Variants in DPYD observed in about 807,000 individuals in gnomAD.
DPYD encodes dihydropyrimidine dehydrogenase, also known as dihydropyrimidine dehydrogenase [NADP(+)].
A neutral mutation model predicts 116.2 loss-of-function variants in DPYD; 109 were observed. The ratio of observed to expected loss-of-function variants is 0.94; its 90% CI spans 0.80 to 1.10. The LOEUF is 1.10. DPYD is among the 50% of genes least tolerant of loss of function. DPYD has a pLI of 0.00. For missense variants in DPYD, 1,302 were observed against 1,254.5 expected (o/e 1.04, Z -0.57); for synonymous variants, 440 against 432.0 (o/e 1.02, Z -0.23).
At chr1:97,571,949 C>T (rs1409231770) in intron 11 of DPYD, among the ~76,000 whole-genome samples, 1 of 151,900 alleles carries the variant, frequency 6.6e-6, no homozygotes. Context: ...TGAATGCTAT[C>T]TCACACTGCA....
At chr1:97,794,745 A>C (rs1033360420) in intron 3 of DPYD, among the ~76,000 whole-genome samples, 1 of 152,144 alleles carries the variant, frequency 6.6e-6, no homozygotes, top group African/African-American at 2.4e-5. Flanking sequence ...CACCACGCTT[A>C]TTTCACACTT....
chr1:97,284,620 G>A (rs11165830), intron 18 of DPYD, among the ~76,000 whole-genome samples: 9,979 of 152,066 alleles, frequency 0.066, 336 homozygotes, highest in Admixed American at 0.097. Context: ...AAAAGTTTTA[G>A]ATCAATTTCA....
At chr1:97,312,241 G>A (rs777817740) in intron 16 of DPYD, among the ~76,000 whole-genome samples, 1 of 151,788 alleles carries the variant, frequency 6.6e-6, no homozygotes, top group Non-Finnish European at 1.5e-5. Context: ...ATCATGATTT[G>A]CCGAAAATGT....
chr1:97,260,079 G>A (rs1016933718), intron 18 of DPYD, among the ~76,000 whole-genome samples: 11 of 152,068 alleles, frequency 7.2e-5, no homozygotes, highest in Non-Finnish European at 1.5e-4. Flanking sequence ...CTCAAAAAGC[G>A]CTGTAGGTTA....
Position 97,821,865 on chromosome 1 carries a change from T to A in DPYD, c.233+6249A>T, listed in dbSNP as rs1668958825. On this transcript the variant is annotated intron_variant, in intron 3 of 22. Transcript: ENST00000370192. The stretch of plus-strand genomic sequence containing the variant: ...ATTAATTTTCATAAATTACAAAGCA[T>A]TCTCTCCTCTATATCCTAGTTCCTC... Among the ~76,000 whole-genome samples the A allele has an allele frequency of 1.3e-5, 2 of 152,078 alleles. 1 individual carries two copies. Among genetic ancestry groups the A allele is most frequent in the South Asian group, 4.1e-4 (2 of 4,828 alleles).
intron 7 of DPYD, 96 bp from the exon 8 acceptor site, chr1:97,679,278 T>C: frequency 3.1e-6 from 2 of 636,422 alleles, no homozygotes; most frequent in South Asian, 4.1e-5. Context: ...CAGCCAAAAA[T>C]TCTATGAGAT....
rs949278562 is a variant in DPYD at position 97,529,957 on chromosome 1, T to C, written c.1525-14016A>G. Among the ~76,000 whole-genome samples, 152 of 151,066 alleles carry C rather than the reference T, an allele frequency of 1.0e-3. 1 individual carries two copies. Among genetic ancestry groups the C allele is most frequent in the East Asian group, 1.9e-4 (1 of 5,142 alleles). ...CCTTCTTTACTTTTCTTTTCTTTCC[T>C]TCTTTCTTTCCAATATACCCAGCAT... is the stretch of plus-strand genomic sequence containing the variant. On this transcript the variant is annotated intron_variant, in intron 12 of 22. Transcript: ENST00000370192.
At chr1:97,461,912 C>T (rs971306583) in intron 13 of DPYD, among the ~76,000 whole-genome samples, 5 of 152,206 alleles carry the variant, frequency 3.3e-5, no homozygotes, top group Admixed American at 6.5e-5. Flanking sequence ...TTCTAAACTC[C>T]AAACTGCTTT....
intron 16 of DPYD, among the ~76,000 whole-genome samples, chr1:97,326,221 T>G (rs1024650024): frequency 2.0e-5 from 3 of 151,994 alleles, no homozygotes; most frequent in Non-Finnish European, 4.4e-5. Context: ...TGCTGGAGGA[T>G]AGTAATGTAT....
In DPYD at chr1:97,754,207, G is replaced by T. The variant is rs552003763; in HGVS notation, c.234-13728C>A. ...CGTTTTCGGGCAATGGCACTGCTTA[G>T]AAAGTGAACTAATATGAAGATGACC... On this transcript the variant is annotated intron_variant, in intron 3 of 22. Transcript: ENST00000370192. 5.3e-5 allele frequency among the ~76,000 whole-genome samples: 8 copies of T among 152,238 alleles called. No homozygotes were observed. In the South Asian group the frequency reaches 1.7e-3, roughly 32 times the overall value.
chr1:97,157,176 T>C (rs1178215158), intron 20 of DPYD, among the ~76,000 whole-genome samples: 1 of 149,798 alleles, frequency 6.7e-6, no homozygotes, highest in Non-Finnish European at 1.5e-5. Context: ...AAATGACGAG[T>C]TAATGGGTGC....
At chr1:97,449,990 T>C in intron 14 of DPYD, 69 bp downstream of exon 14, 1 of 1,562,838 alleles carries the variant, frequency 6.4e-7, no homozygotes, top group Non-Finnish European at 8.8e-7. Context: ...AGCCTATGAA[T>C]TGGATGTTTA....
Position 97,434,944 on chromosome 1 carries a change from T to G in DPYD, c.1905+15115A>C, listed in dbSNP as rs148673093. On this transcript the variant is annotated intron_variant, in intron 14 of 22. Transcript: ENST00000370192. ...GATATTCATATCTTTTTTGTGAGGT[T>G]ATTGTGAAATCGATTCAGAGAAATA... Among the ~76,000 whole-genome samples, 425 of 152,078 alleles carry G rather than the reference T, an allele frequency of 2.8e-3. 2 individuals are homozygous for G. Among genetic ancestry groups the G allele is most frequent in the Middle Eastern group, 0.024 (7 of 294 alleles).
Position 97,691,712 on chromosome 1 carries a change from T to A in DPYD, c.762+5A>T, listed in dbSNP as rs1033092437. ...AGTACACAGATAGGTGTTTTTTTCA[T>A]TTACCTTTACACCAAGGTCCTTCAT... On this transcript the variant is annotated splice_donor_5th_base_variant and intron_variant, in intron 7 of 22. Transcript: ENST00000370192. 6.2e-6 allele frequency: 10 copies of A among 1,612,854 alleles called. No homozygotes were observed. Among genetic ancestry groups the A allele is most frequent in the Non-Finnish European group, 8.5e-6 (10 of 1,179,136 alleles).
At chr1:97,540,372 CAA>C (rs1230033290) in intron 12 of DPYD, among the ~76,000 whole-genome samples, 1 of 118,972 alleles carries the variant, frequency 8.4e-6, no homozygotes, top group African/African-American at 2.7e-5. Flanking sequence ...CAAAACAAAA[CAA>C]AACAAAACAA....
intron 18 of DPYD, among the ~76,000 whole-genome samples, chr1:97,300,377 T>A (rs79651333): frequency 6.6e-6 from 1 of 152,170 alleles, no homozygotes; most frequent in Non-Finnish European, 1.5e-5. Context: ...AGCTTAAATT[T>A]GATGACAGAT....
At chr1:97,767,775 T>TTTTA (rs1665945888) in intron 3 of DPYD, among the ~76,000 whole-genome samples, 1 of 148,182 alleles carries the variant, frequency 6.7e-6, no homozygotes, top group Non-Finnish European at 1.5e-5. Context: ...TTTTTTTTTT[T>TTTTA]GCAGCAGTTA....
intron 20 of DPYD, among the ~76,000 whole-genome samples, chr1:97,161,749 G>A (rs941531488): frequency 1.7e-5 from 2 of 116,242 alleles, no homozygotes; most frequent in African/African-American, 6.9e-5. Flanking sequence ...AGTCCCCAGA[G>A]TGTGATGTTC....
rs539842076 is a variant in DPYD at position 97,334,082 on chromosome 1, C to A, written c.2059-27785G>T. On this transcript the variant is annotated intron_variant, in intron 16 of 22. Transcript: ENST00000370192. ...TAAATATTTCAGTTACACTTTACTG[C>A]ATTTTATGAGGAAAATTATATATTA... Among the ~76,000 whole-genome samples, 35 of 152,262 alleles carry A rather than the reference C, an allele frequency of 2.3e-4. 1 individual carries two copies. Among genetic ancestry groups the A allele is most frequent in the Admixed American group, 5.9e-4 (9 of 15,284 alleles).
Sources: gnomAD v4.1 joint callset for allele counts (sites outside exome capture counted in the v4.1 genomes callset) on GRCh38, gnomAD v4.1.1 for gene constraint, MANE v1.5 for transcripts, NCBI Gene and HGNC (gene_info 2026-07-23, HGNC 2026-07-21) for gene names.